Variants in CFAP157 observed in about 807,000 individuals in gnomAD.
CFAP157 encodes cilia and flagella associated protein 157, also known as cilia- and flagella-associated protein 157.
Under a neutral mutation model 57.8 loss-of-function variants are expected in CFAP157, and 43 were observed. The ratio of observed to expected loss-of-function variants is 0.74; its 90% CI spans 0.58 to 0.96. CFAP157 has a LOEUF of 0.96. CFAP157 is among the 40% of genes least tolerant of loss of function. The probability of loss-of-function intolerance (pLI) is 0.00; values close to 1 mark genes in which losing one functional copy is unlikely to be tolerated. For synonymous variants in CFAP157, 267 were observed against 269.0 expected, an observed-to-expected ratio of 0.99 and a Z score of 0.07; for missense variants, 606 against 655.3, an observed-to-expected ratio of 0.92 and a Z score of 0.82.
chr9:127,711,097 G>GC, intron 3 of CFAP157, 132 bp from the exon 4 acceptor site: 1 of 1,182,236 alleles, frequency 8.5e-7, no homozygotes, highest in Non-Finnish European at 1.2e-6. Context: ...CCCACCCATA[G>GC]CCCCAACCCT....
rs1264684217 is a variant in CFAP157, at chr9:127,714,290, A to G, written c.*385A>G. The G allele has an allele frequency of 6.2e-7, 1 of 1,613,976 alleles. No individual in the cohort carries two copies. Among genetic ancestry groups the G allele is most frequent in the Admixed American group, 1.7e-5 (1 of 60,024 alleles). On this transcript the variant is annotated 3_prime_UTR_variant, in exon 9 of 9. Coordinates refer to ENST00000373295, the MANE Select transcript of CFAP157 (RefSeq NM_001012502.3). The stretch of plus-strand genomic sequence containing the variant: ...CCGCAGCCTTGGCATTGCCTGTGGG[A>G]GAGCCAGAGAGGCCCAGGAAGCTTT...
chr9:127,713,695 CA>C (rs1400571329), intron 8 of CFAP157, 138 bp from the exon 9 acceptor site: 1 of 624,774 alleles, frequency 1.6e-6, no homozygotes, highest in Non-Finnish European at 2.9e-6. Context: ...TTAGTAGAGA[CA>C]GGGTTTCACC....
intron 6 of CFAP157, 137 bp from the exon 7 acceptor site, chr9:127,712,572 C>G: frequency 6.4e-7 from 1 of 1,554,042 alleles, no homozygotes; most frequent in Non-Finnish European, 8.7e-7. Context: ...GGGCCTCAGT[C>G]TTCCCGACTG....
rs1433608925 is a variant in CFAP157, at chr9:127,712,265, G to A, written c.1053G>A (p.Gln351=). ...AGGTGGATTTGCAGCGGCTACAGCAGGAACTGGCTAATGAGCAGAAGGTTC... is the reference window on the plus strand; with the variant it reads ...AGGTGGATTTGCAGCGGCTACAGCAAGAACTGGCTAATGAGCAGAAGGTTC... ...QQQVDLQRLQ[Q]ELANEQKVRA... Residue 351 remains glutamine (Q), a synonymous_variant, in exon 6 of 9, where the codon CAG becomes CAA. Coordinates refer to ENST00000373295, the MANE Select transcript of CFAP157 (RefSeq NM_001012502.3). 6.2e-7 allele frequency: 1 copy of A among 1,613,928 alleles called. No homozygotes were observed. The highest frequency in any genetic ancestry group is 1.3e-5 in the African/African-American group (1 of 74,944).
intron 7 of CFAP157, 39 bp from the exon 8 acceptor site, chr9:127,712,981 T>C (rs1168136541): frequency 6.2e-7 from 1 of 1,604,228 alleles, no homozygotes; most frequent in Non-Finnish European, 8.5e-7. Flanking sequence ...GAAACCTGGC[T>C]CGCCGAAGGC....
In CFAP157 at chr9:127,712,305, G is replaced by A; in HGVS notation, c.1093G>A (p.Ala365Thr). The A allele has an allele frequency of 6.2e-7, 1 of 1,614,090 alleles. No homozygotes were observed. Among genetic ancestry groups the A allele is most frequent in the Non-Finnish European group, 8.5e-7 (1 of 1,180,014 alleles). The change falls in exon 6 of 9, where the codon GCG (alanine) becomes ACG (threonine). Residue 365 changes from alanine (A) to threonine (T), a missense_variant. By Grantham distance (58) the Ala-to-Thr change is moderately conservative (BLOSUM62 0). Transcript: ENST00000373295. ...GCAGAAGGTTCGGGCCAGCCTGGAG[G>A]CGGCTCTGGTCCAGGCCACCTCCTT... is the stretch of plus-strand genomic sequence containing the variant. ...NEQKVRASLE[A>T]ALVQATSFLQ... is the part of the protein sequence containing the mutation.
At chr9:127,711,588 G>C in intron 4 of CFAP157, 92 bp downstream of exon 4, 2 of 1,490,292 alleles carry the variant, frequency 1.3e-6, no homozygotes, top group South Asian at 1.3e-5. Flanking sequence ...GGGCAGTCAA[G>C]TCAGGAGGGA....
At chr9:127,708,335 G>A (rs1007754388) in intron 1 of CFAP157, among the ~76,000 whole-genome samples, 3 of 152,020 alleles carry the variant, frequency 2.0e-5, no homozygotes, top group African/African-American at 4.8e-5. Flanking sequence ...AAATTAGCTG[G>A]GCATGGTGGC....
chr9:127,712,322 C>T lies in CFAP157; in HGVS notation c.1110C>T (p.Ala370=), dbSNP rs1842785182. The change falls in exon 6 of 9, where the codon GCC becomes GCT. Residue 370 remains alanine (A), a synonymous_variant. Transcript: ENST00000373295. ...RASLEAALVQ[A]TSFLQNILQM... is the part of the protein sequence containing the mutation. The stretch of plus-strand genomic sequence containing the variant: ...GCCTGGAGGCGGCTCTGGTCCAGGC[C>T]ACCTCCTTCCTACAGAACATTCTGC... The T allele has an allele frequency of 6.2e-7, 1 of 1,613,864 alleles. No homozygotes were observed. The highest frequency in any genetic ancestry group is 1.3e-5 in the African/African-American group (1 of 74,932).
Sources: allele counts gnomAD v4.1 joint callset (sites outside exome capture counted in the v4.1 genomes callset), GRCh38; gene constraint gnomAD v4.1.1; transcripts MANE v1.5; gene names NCBI Gene and HGNC (gene_info 2026-07-23, HGNC 2026-07-21).